Variants in MELTF observed in about 807,000 individuals in gnomAD.
MELTF encodes the protein antigen p97 (melanoma associated) identified by monoclonal antibodies 133.2 and 96.5.
Under a neutral mutation model 83.7 loss-of-function variants are expected in MELTF, and 67 were observed. The ratio of observed to expected loss-of-function variants is 0.80; its 90% confidence interval spans 0.66 to 0.98. The LOEUF (loss-of-function observed/expected upper bound fraction) is 0.98, where lower values mean the gene tolerates loss of function less well. MELTF is among the 50% of genes least tolerant of loss of function. The probability of loss-of-function intolerance (pLI) is 0.00; values close to 1 mark genes in which losing one functional copy is unlikely to be tolerated. For missense variants in MELTF, 1,002 were observed against 1,035.6 expected (o/e 0.97, Z 0.44); for synonymous variants, 462 against 447.6 (o/e 1.03, Z -0.41).
Position 197,024,159 on chromosome 3 carries a change from C to T in MELTF, c.487+144G>A, listed in dbSNP as rs1308412659. On this transcript the variant is annotated intron_variant, in intron 4 of 15. Coordinates refer to ENST00000296350, the MANE Select transcript of MELTF (RefSeq NM_005929.6). The surrounding 1 kb of genome is among the most constrained non-coding windows in gnomAD (Gnocchi z 5.3). ...CGGCAGAGTGGAGGCGGGGGAGGCA[C>T]GGGGCGGGCGGGGGCTGCTGCGCCT... is the stretch of plus-strand genomic sequence containing the variant. The T allele has an allele frequency of 2.1e-4, 117 of 565,654 alleles. No individual in the cohort carries two copies. Among genetic ancestry groups the T allele is most frequent in the South Asian group, 8.4e-4 (12 of 14,252 alleles). 35.0% of individuals were successfully genotyped at this position (565,654 alleles called of 1,614,324 possible). A position where few individuals can be genotyped will look rare whatever the true frequency, so the allele number is the denominator to read the frequency against.
intron 4 of MELTF, chr3:197,023,835 G>A (rs1348250838): frequency 2.0e-5 from 9 of 456,540 alleles, no homozygotes; most frequent in South Asian, 9.3e-5. Flanking sequence ...CCAGGCTCTC[G>A]CGGGTTTACA....
chr3:197,018,843 T>C, intron 6 of MELTF: 1 of 793,774 alleles, frequency 1.3e-6, no homozygotes, highest in Non-Finnish European at 1.5e-6. Flanking sequence ...AAACTTTCCA[T>C]AAGTTCATTT....
At chr3:197,023,171 C>T (rs183859882) in intron 4 of MELTF, 58 bp from the exon 5 acceptor site, 28 of 1,575,792 alleles carry the variant, frequency 1.8e-5, no homozygotes, top group Non-Finnish European at 2.2e-5. Flanking sequence ...CCAAGCCAAG[C>T]CCCCAGGGTC....
At position 197,022,727 on chromosome 3, in the gene MELTF, T is replaced by C. The variant is rs1719671369; in HGVS notation, c.644+230A>G. The stretch of plus-strand genomic sequence containing the variant: ...TCTTCTCTTGGAGCCCTCACCTCAC[T>C]AAATATACCAAACACGTTGATTTCA... On this transcript the variant is annotated intron_variant, in intron 5 of 15. Transcript: ENST00000296350. This position sits in a 1 kb window ranked among gnomAD's most constrained non-coding sequence, Gnocchi z 5.1. Among the ~76,000 whole-genome samples, 1 of 152,166 alleles carries C rather than the reference T, an allele frequency of 6.6e-6. No individual in the cohort carries two copies. Among genetic ancestry groups the C allele is most frequent in the South Asian group, 2.1e-4 (1 of 4,832 alleles).
At chr3:197,027,431 T>C (rs917947524) in intron 2 of MELTF, among the ~76,000 whole-genome samples, 1 of 152,202 alleles carries the variant, frequency 6.6e-6, no homozygotes, top group Non-Finnish European at 1.5e-5. Context: ...GAGAGCCCCA[T>C]GGCAAGATGA....
Position 197,022,904 on chromosome 3 carries a change from G to C in MELTF, c.644+53C>G, listed in dbSNP as rs1256164932. 1 of 1,533,136 alleles carries C rather than the reference G, an allele frequency of 6.5e-7. No individual in the cohort carries two copies. The highest frequency in any genetic ancestry group is 1.2e-5 in the South Asian group (1 of 82,288). 95.0% of individuals were successfully genotyped at this position (1,533,136 alleles called of 1,614,324 possible). ...GCAAAGGTGTTTTTCCCCAGCATTT[G>C]TGGCCTCAGCTCCTCCCTGCCCTCG... On this transcript the variant is annotated intron_variant, in intron 5 of 15. Transcript: ENST00000296350. This position sits in a 1 kb window ranked among gnomAD's most constrained non-coding sequence, Gnocchi z 5.1.
Position 197,003,701 on chromosome 3 carries a change from C to T in MELTF, c.2137+200G>A, listed in dbSNP as rs1560208433. The T allele has an allele frequency of 7.2e-6, 5 of 691,406 alleles. No individual in the cohort carries two copies. The highest frequency in any genetic ancestry group is 4.8e-6 in the Non-Finnish European group (2 of 420,318). 42.8% of individuals were successfully genotyped at this position (691,406 alleles called of 1,614,324 possible). On this transcript the variant is annotated intron_variant, in intron 15 of 15. Coordinates refer to ENST00000296350, the MANE Select transcript of MELTF (RefSeq NM_005929.6). This position sits in a 1 kb window ranked among gnomAD's most constrained non-coding sequence, Gnocchi z 6.2. ...AGCGTTCACACTCATTACCCAGGTCCGTCTGGGAGACCCGCCGGGCTCCCG... is the reference window on the plus strand; with the variant it reads ...AGCGTTCACACTCATTACCCAGGTCTGTCTGGGAGACCCGCCGGGCTCCCG...
chr3:197,006,648 C>A lies in MELTF; in HGVS notation c.1839G>T (p.Gln613His), dbSNP rs757060510. The stretch of plus-strand genomic sequence containing the variant: ...TCTGTGCCAGGTTGCAGGCTGCAAA[C>A]TGGGACACCTCGGCTCGGGCCCCGT... ...CPNGARAEVSQFAACNLAQIP... is the reference protein window; with the variant it reads ...CPNGARAEVSHFAACNLAQIP... The change falls in exon 14 of 16, where the codon CAG becomes CAT. Residue 613 changes from glutamine to histidine, a missense_variant. Transcript: ENST00000296350. The surrounding 1 kb of genome is among the most constrained non-coding windows in gnomAD (Gnocchi z 5.4). 6 of 1,609,522 alleles carry A rather than the reference C, an allele frequency of 3.7e-6. No individual in the cohort carries two copies. Among genetic ancestry groups the A allele is most frequent in the Middle Eastern group, 1.6e-4 (1 of 6,064 alleles).
rs888369703 is a variant in MELTF, at chr3:197,019,382, C to G, written c.712+2022G>C. On this transcript the variant is annotated intron_variant, in intron 6 of 15. Transcript: ENST00000296350. ...TTTATGCCACTTCTACCCCTTGGCTCTTACCAATCTTTCTGTATAAAGTCA... is the reference window on the plus strand; with the variant it reads ...TTTATGCCACTTCTACCCCTTGGCTGTTACCAATCTTTCTGTATAAAGTCA... The G allele has an allele frequency of 8.7e-6, 11 of 1,268,082 alleles. No individual in the cohort carries two copies. In the African/African-American group the frequency reaches 1.6e-4, roughly 19 times the overall value. The allele number at this position is 1,268,082 out of a possible 1,614,324, so 78.6% of individuals were successfully genotyped here. A position where few individuals can be genotyped will look rare whatever the true frequency, so the allele number is the denominator to read the frequency against.
In MELTF at chr3:197,006,422, A is replaced by G. The variant is rs1425723797; in HGVS notation, c.1938+127T>C. On this transcript the variant is annotated intron_variant, in intron 14 of 15. Transcript: ENST00000296350. This position sits in a 1 kb window ranked among gnomAD's most constrained non-coding sequence, Gnocchi z 5.4. The stretch of plus-strand genomic sequence containing the variant: ...GAGGGATGTCCTTGCGTAAGTGAAA[A>G]TCACAGAATTTCCCCCGGGCTTCCT... 3 of 805,080 alleles carry G rather than the reference A, an allele frequency of 3.7e-6. No individual in the cohort carries two copies. The highest frequency in any genetic ancestry group is 3.9e-4 in the Middle Eastern group (1 of 2,578). 49.9% of individuals were successfully genotyped at this position (805,080 alleles called of 1,614,324 possible).
chr3:197,010,988 G>A (rs902452453), intron 9 of MELTF, among the ~76,000 whole-genome samples, 194 bp from the exon 10 acceptor site: 24 of 152,224 alleles, frequency 1.6e-4, no homozygotes, highest in African/African-American at 5.8e-4. Context: ...CGCCTGGCCA[G>A]GAGTGGTGCC....
At position 197,003,366 on chromosome 3, in the gene MELTF, CCGGGCTCAGAGGGCGGGCGGGAGCAGG is replaced by C; in HGVS notation, c.2196_*5del. On this transcript the variant is annotated stop_lost and 3_prime_UTR_variant, in exon 16 of 16. Transcript: ENST00000296350. This position sits in a 1 kb window ranked among gnomAD's most constrained non-coding sequence, Gnocchi z 6.2. ...GCATCGGAGCTCTGGGGCGGGGCGG[CCGGGCTCAGAGGGCGGGCGGGAGCAGG>C]CGGGCGGCGAGGGCGGGCAGCAGCA... 1.9e-6 allele frequency: 2 copies of C among 1,066,512 alleles called. No individual in the cohort carries two copies. The highest frequency in any genetic ancestry group is 2.3e-6 in the Non-Finnish European group (2 of 884,434). 66.1% of individuals were successfully genotyped at this position (1,066,512 alleles called of 1,614,324 possible). A position where few individuals can be genotyped will look rare whatever the true frequency, so the allele number is the denominator to read the frequency against.
At chr3:197,009,037 C>T in intron 11 of MELTF, 72 bp from the exon 12 acceptor site, 2 of 1,568,480 alleles carry the variant, frequency 1.3e-6, no homozygotes, top group African/African-American at 1.4e-5. Flanking sequence ...GCGGGCCGCT[C>T]CCCCACAGGT....
intron 14 of MELTF, among the ~76,000 whole-genome samples, chr3:197,005,515 G>T (rs949461597): frequency 2.0e-5 from 3 of 152,242 alleles, no homozygotes; most frequent in African/African-American, 7.2e-5. Context: ...AGACAGGGAA[G>T]AGGGCTGAGA....
chr3:197,016,736 C>T (rs536172749), intron 7 of MELTF, among the ~76,000 whole-genome samples: 19 of 152,372 alleles, frequency 1.2e-4, no homozygotes, highest in East Asian at 5.8e-4. Flanking sequence ...CTGTCACAAG[C>T]GGCGGTTTTA....
chr3:197,020,919 G>T (rs1719598631), intron 6 of MELTF, among the ~76,000 whole-genome samples: 1 of 152,096 alleles, frequency 6.6e-6, no homozygotes, highest in African/African-American at 2.4e-5. Flanking sequence ...GCCCACCTCG[G>T]CCTCCCAAAG....
intron 4 of MELTF, among the ~76,000 whole-genome samples, chr3:197,023,396 C>T (rs567967783): frequency 6.6e-6 from 1 of 152,334 alleles, no homozygotes; most frequent in South Asian, 2.1e-4. Context: ...TCAGTATCAG[C>T]CAGATGCTCT....
At chr3:197,009,498 G>A in intron 11 of MELTF, 120 bp downstream of exon 11, 1 of 922,254 alleles carries the variant, frequency 1.1e-6, no homozygotes, top group South Asian at 1.7e-5. Flanking sequence ...GGAGATACCT[G>A]GGCACATATG....
At chr3:197,023,934 C>A (rs1009773390) in intron 4 of MELTF, 3 of 490,190 alleles carry the variant, frequency 6.1e-6, no homozygotes, top group African/African-American at 5.8e-5. Flanking sequence ...ATTTCTGGTC[C>A]TGTAAAGCCG....
Sources: gnomAD v4.1 joint callset for allele counts (sites outside exome capture counted in the v4.1 genomes callset) on GRCh38, gnomAD v4.1.1 for gene constraint, Gnocchi (gnomAD v3.1) non-coding constraint, MANE v1.5 for transcripts, NCBI Gene and HGNC (gene_info 2026-07-23, HGNC 2026-07-21) for gene names.